Variants in ZNF536 observed in about 807,000 individuals in gnomAD.
The protein encoded by ZNF536 is zinc finger protein 536.
Under a neutral mutation model 84.5 loss-of-function variants are expected in ZNF536, and 13 were observed. The observed-to-expected ratio is 0.15, with a 90% CI of 0.10 to 0.24. The LOEUF is 0.24. ZNF536 is among the 10% of genes least tolerant of loss of function. The pLI, the probability that ZNF536 is intolerant of heterozygous loss-of-function variation, is 1.00. For missense variants in ZNF536, 1,536 were observed against 1,747.5 expected (o/e 0.88, Z 2.16); for synonymous variants, 811 against 742.5 (o/e 1.09, Z -1.50).
chr19:30,594,688 C>A (rs955582407), intron 1 of ZNF536, among the ~76,000 whole-genome samples: 4 of 152,072 alleles, frequency 2.6e-5, no homozygotes, highest in Non-Finnish European at 5.9e-5. Flanking sequence ...TCCTGCTCCC[C>A]TCCCTGGCTG....
intron 1 of ZNF536, among the ~76,000 whole-genome samples, chr19:30,677,816 CCCCCTCTGATTTGGGGGGACTTGGTGA>C (rs2050807906): frequency 6.6e-6 from 1 of 152,114 alleles, no homozygotes; most frequent in Admixed American, 6.5e-5. Context: ...ACGTGGCCTG[CCCCCTCTGATTTGGGGGGACTTGGTGA>C]TCCCTGAATG....
intron 1 of ZNF536, among the ~76,000 whole-genome samples, chr19:30,648,162 C>CA (rs1273412515): frequency 6.6e-6 from 1 of 152,118 alleles, no homozygotes; most frequent in African/African-American, 2.4e-5. Context: ...CTGCTCCATG[C>CA]AGAAGGTGCA....
intron 1 of ZNF536, among the ~76,000 whole-genome samples, chr19:30,706,478 T>C (rs1352493809): frequency 6.8e-6 from 1 of 147,538 alleles, no homozygotes; most frequent in African/African-American, 2.5e-5. Flanking sequence ...TGAGTGAAAC[T>C]CTGTCTCAAA....
chr19:30,568,792 G>A (rs1194568664), intron 1 of ZNF536, among the ~76,000 whole-genome samples: 1 of 152,202 alleles, frequency 6.6e-6, no homozygotes, highest in Non-Finnish European at 1.5e-5. Flanking sequence ...CAAAGATTTA[G>A]GGCTTTGTCA....
At chr19:30,357,846 C>T (rs1330246137) in intron 3 of ZNF536, among the ~76,000 whole-genome samples, 1 of 152,164 alleles carries the variant, frequency 6.6e-6, no homozygotes, top group Non-Finnish European at 1.5e-5. Flanking sequence ...CATCAGCCCA[C>T]AGAGTCCAGC....
At chr19:30,705,186 G>T (rs2052172491) in intron 1 of ZNF536, among the ~76,000 whole-genome samples, 2 of 152,064 alleles carry the variant, frequency 1.3e-5, no homozygotes, top group South Asian at 4.1e-4. Flanking sequence ...AAATATAATG[G>T]CTTATTCCGG....
At chr19:30,490,083 A>G (rs2054449394) in intron 2 of ZNF536, among the ~76,000 whole-genome samples, 1 of 152,206 alleles carries the variant, frequency 6.6e-6, no homozygotes, top group Non-Finnish European at 1.5e-5. Context: ...TTGGTTTTGG[A>G]GGATCTGACT....
intron 1 of ZNF536, among the ~76,000 whole-genome samples, chr19:30,282,239 C>G (rs1014588617): frequency 6.6e-6 from 1 of 152,250 alleles, no homozygotes; most frequent in Non-Finnish European, 1.5e-5. Flanking sequence ...CGTCAGCTGC[C>G]CTACTGGCGT....
chr19:30,601,547 G>A (rs947544752), intron 1 of ZNF536, among the ~76,000 whole-genome samples: 1 of 152,120 alleles, frequency 6.6e-6, no homozygotes, highest in Admixed American at 6.5e-5. Context: ...CTTGAATATG[G>A]GCATCTCTGC....
At chr19:30,628,721 C>T (rs900499573) in intron 1 of ZNF536, among the ~76,000 whole-genome samples, 3 of 151,914 alleles carry the variant, frequency 2.0e-5, no homozygotes, top group Non-Finnish European at 2.9e-5. Context: ...TTTTGTTTGA[C>T]GGAGTCTCGC....
chr19:30,603,262 G>T (rs1053769077), intron 1 of ZNF536, among the ~76,000 whole-genome samples: 14 of 152,200 alleles, frequency 9.2e-5, no homozygotes, highest in Non-Finnish European at 2.1e-4. Flanking sequence ...GGCCTTAAGA[G>T]ACACATGGTG....
At chr19:30,620,667 G>A (rs991213033) in intron 1 of ZNF536, among the ~76,000 whole-genome samples, 1 of 152,162 alleles carries the variant, frequency 6.6e-6, no homozygotes, top group African/African-American at 2.4e-5. Context: ...CTAAAGGGGT[G>A]TCAACTCATT....
chr19:30,446,271 A>AAAAAAAAG (rs1555767559), intron 2 of ZNF536, among the ~76,000 whole-genome samples: 3 of 147,160 alleles, frequency 2.0e-5, no homozygotes, highest in Non-Finnish European at 3.0e-5. Flanking sequence ...AAAAAAAAAA[A>AAAAAAAAG]AAAGAAAGAA....
intron 1 of ZNF536, among the ~76,000 whole-genome samples, chr19:30,391,276 A>T (rs1254120795): frequency 6.6e-6 from 1 of 152,168 alleles, no homozygotes; most frequent in African/African-American, 2.4e-5. Flanking sequence ...AGTAGACTTG[A>T]CTTTAAACTG....
At chr19:30,588,479 C>T (rs2047171184) in intron 1 of ZNF536, among the ~76,000 whole-genome samples, 1 of 152,196 alleles carries the variant, frequency 6.6e-6, no homozygotes, top group East Asian at 1.9e-4. Flanking sequence ...GGTCCTGAAG[C>T]ACATGAGGTG....
chr19:30,549,766 G>A (rs1054843045), intron 4 of ZNF536, among the ~76,000 whole-genome samples: 4 of 152,180 alleles, frequency 2.6e-5, no homozygotes, highest in Admixed American at 1.3e-4. Flanking sequence ...CATGGAAAAG[G>A]GGGTGGTCGC....
intron 3 of ZNF536, among the ~76,000 whole-genome samples, chr19:30,354,487 C>T (rs770455010): frequency 1.3e-5 from 2 of 152,166 alleles, no homozygotes; most frequent in Non-Finnish European, 1.5e-5. Context: ...CCCTCCTTGG[C>T]GTCCCAACGT....
At chr19:30,649,351 C>G (rs75654317) in intron 1 of ZNF536, among the ~76,000 whole-genome samples, 1,580 of 152,252 alleles carry the variant, frequency 0.01, 30 homozygotes, top group African/African-American at 0.034. Flanking sequence ...TCATATGGCT[C>G]TTAACAGGGG....
At chr19:30,539,124 C>A (rs1050955473) in intron 3 of ZNF536, among the ~76,000 whole-genome samples, 30 of 151,230 alleles carry the variant, frequency 2.0e-4, no homozygotes, top group African/African-American at 7.0e-4. Flanking sequence ...ATGCACCCCC[C>A]CCACACACAC....
Sources: allele counts gnomAD v4.1 joint callset (sites outside exome capture counted in the v4.1 genomes callset), GRCh38; gene constraint gnomAD v4.1.1; transcripts MANE v1.5; gene names NCBI Gene and HGNC (gene_info 2026-07-23, HGNC 2026-07-21).